Variants in CHCHD6 observed in about 807,000 individuals in gnomAD.
The protein encoded by CHCHD6 is coiled-coil-helix-coiled-coil-helix domain containing 6.
CHCHD6 carries 28 observed loss-of-function variants against 32.3 expected under a neutral mutation model. The observed-to-expected ratio is 0.87, with a 90% CI of 0.64 to 1.19. The LOEUF (loss-of-function observed/expected upper bound fraction) is 1.19. Among genes scored for constraint, CHCHD6 ranks in the 50% most tolerant of loss-of-function variants. The pLI is 0.00. For missense variants in CHCHD6, 333 were observed against 307.0 expected (o/e 1.08, Z -0.63); for synonymous variants, 122 against 117.5 (o/e 1.04, Z -0.25).
chr3:126,862,187 C>T (rs1255237690), intron 5 of CHCHD6, among the ~76,000 whole-genome samples: 1 of 101,718 alleles, frequency 9.8e-6, no homozygotes, highest in African/African-American at 4.5e-5. Context: ...TCCTCCTCCA[C>T]CATCACAACC....
intron 6 of CHCHD6, 133 bp from the exon 7 acceptor site, chr3:126,957,283 G>T (rs1317122655): frequency 1.2e-5 from 12 of 985,444 alleles, no homozygotes; most frequent in Non-Finnish European, 1.7e-5. Context: ...TCTCCTTGAG[G>T]GTTAAAAGGA....
intron 4 of CHCHD6, among the ~76,000 whole-genome samples, chr3:126,761,994 T>C (rs1937177760): frequency 6.6e-6 from 1 of 152,230 alleles, no homozygotes; most frequent in Non-Finnish European, 1.5e-5. Flanking sequence ...ATTAGTAATG[T>C]TCCTATTTTT....
At chr3:126,877,019 C>A (rs928579277) in intron 5 of CHCHD6, among the ~76,000 whole-genome samples, 3 of 152,104 alleles carry the variant, frequency 2.0e-5, no homozygotes, top group Non-Finnish European at 4.4e-5. Flanking sequence ...AGTCACCAGC[C>A]TGTGAATTAA....
chr3:126,826,103 G>A (rs1284039439), intron 4 of CHCHD6, among the ~76,000 whole-genome samples: 1 of 152,222 alleles, frequency 6.6e-6, no homozygotes, highest in Non-Finnish European at 1.5e-5. Flanking sequence ...AAATGAAGTA[G>A]CCGGGTAAAG....
At chr3:126,880,407 G>C (rs993706817) in intron 5 of CHCHD6, among the ~76,000 whole-genome samples, 2 of 152,096 alleles carry the variant, frequency 1.3e-5, no homozygotes, top group African/African-American at 4.8e-5. Flanking sequence ...AACCCCATCA[G>C]AAAACAAGAT....
chr3:126,906,880 C>T (rs1188697223), intron 5 of CHCHD6, among the ~76,000 whole-genome samples: 2 of 152,146 alleles, frequency 1.3e-5, no homozygotes, highest in African/African-American at 4.8e-5. Context: ...GAAGCACGTT[C>T]AGGGAAGGGG....
chr3:126,870,224 C>T (rs191848941), intron 5 of CHCHD6, among the ~76,000 whole-genome samples: 123 of 152,332 alleles, frequency 8.1e-4, no homozygotes, highest in Non-Finnish European at 1.3e-3. Context: ...TCACTTCTTC[C>T]TCCTGAGGTG....
At chr3:126,908,021 C>T (rs2078030251) in intron 5 of CHCHD6, among the ~76,000 whole-genome samples, 1 of 152,254 alleles carries the variant, frequency 6.6e-6, no homozygotes, top group South Asian at 2.1e-4. Flanking sequence ...CTTCATCTGT[C>T]AAAGGGGCGG....
chr3:126,755,628 A>G (rs945085881), intron 4 of CHCHD6, among the ~76,000 whole-genome samples: 15 of 152,222 alleles, frequency 9.9e-5, no homozygotes, highest in African/African-American at 3.4e-4. Context: ...AAATGCAGAT[A>G]TATTTGTGTG....
At chr3:126,832,458 C>G (rs1940684721) in intron 4 of CHCHD6, among the ~76,000 whole-genome samples, 1 of 152,128 alleles carries the variant, frequency 6.6e-6, no homozygotes, top group African/African-American at 2.4e-5. Context: ...TGCCAGTTAT[C>G]CAGTAGCTGC....
chr3:126,739,260 A>G (rs1281222577), intron 4 of CHCHD6, among the ~76,000 whole-genome samples: 1 of 152,244 alleles, frequency 6.6e-6, no homozygotes, highest in Non-Finnish European at 1.5e-5. Flanking sequence ...TGATTAGATC[A>G]GAGGTTGACA....
chr3:126,727,950 G>T (rs897517513), intron 2 of CHCHD6, among the ~76,000 whole-genome samples: 1 of 151,592 alleles, frequency 6.6e-6, no homozygotes, highest in Non-Finnish European at 1.5e-5. Flanking sequence ...ACTTGGGTCT[G>T]TCTATCAGAT....
intron 4 of CHCHD6, among the ~76,000 whole-genome samples, chr3:126,790,353 A>G (rs1938463850): frequency 1.3e-5 from 2 of 151,976 alleles, no homozygotes; most frequent in African/African-American, 2.4e-5. Flanking sequence ...GTATTTCCTG[A>G]ATTTGAATGT....
intron 4 of CHCHD6, among the ~76,000 whole-genome samples, chr3:126,740,643 A>T (rs531759183): frequency 6.6e-6 from 1 of 152,292 alleles, no homozygotes; most frequent in Admixed American, 6.5e-5. Context: ...GCTGTGCCAC[A>T]CATCTGCCCA....
intron 4 of CHCHD6, among the ~76,000 whole-genome samples, chr3:126,773,602 CT>C (rs769256372): frequency 0.16 from 14,874 of 90,394 alleles, 466 homozygotes; most frequent in African/African-American, 0.24. Context: ...TTCTGCTTTT[CT>C]TTTTTTTTTT....
chr3:126,904,611 C>T (rs991437102), intron 5 of CHCHD6, among the ~76,000 whole-genome samples: 5 of 152,134 alleles, frequency 3.3e-5, no homozygotes, highest in Non-Finnish European at 7.3e-5. Flanking sequence ...ATACACACAC[C>T]CCAGTAGTGA....
intron 4 of CHCHD6, among the ~76,000 whole-genome samples, chr3:126,753,386 AG>A (rs553421729): frequency 6.8e-4 from 103 of 152,220 alleles, no homozygotes; most frequent in African/African-American, 2.1e-3. Flanking sequence ...GCTGAGGAGG[AG>A]GGGCACTGAG....
chr3:126,714,635 G>C (rs934761394), intron 1 of CHCHD6, among the ~76,000 whole-genome samples: 1 of 152,136 alleles, frequency 6.6e-6, no homozygotes, highest in East Asian at 1.9e-4. Flanking sequence ...TGGCCACATC[G>C]GCACTGTCCT....
intron 4 of CHCHD6, among the ~76,000 whole-genome samples, chr3:126,778,536 G>A (rs986944278): frequency 4.6e-5 from 7 of 152,160 alleles, no homozygotes; most frequent in Non-Finnish European, 1.0e-4. Context: ...ATCTTTTCAT[G>A]TGCTTATTGG....
Sources: gnomAD v4.1 joint callset for allele counts (sites outside exome capture counted in the v4.1 genomes callset) on GRCh38, gnomAD v4.1.1 for gene constraint, MANE v1.5 for transcripts, NCBI Gene and HGNC (gene_info 2026-07-23, HGNC 2026-07-21) for gene names.